The following CDH4 variants were observed in gnomAD, a reference collection of about 807,000 sequenced individuals.
CDH4 encodes the protein cadherin 4.
A neutral mutation model predicts 86.0 loss-of-function variants in CDH4; 33 were observed. The observed-to-expected ratio is 0.38, with a 90% CI of 0.29 to 0.51. The LOEUF is 0.51. Among genes scored for constraint, CDH4 ranks in the 20% least tolerant of loss-of-function variants. The pLI, the probability that CDH4 is intolerant of heterozygous loss-of-function variation, is 0.86. For synonymous variants in CDH4, 555 were observed against 549.4 expected (o/e 1.01, Z -0.14); for missense variants, 1,114 against 1,307.4 (o/e 0.85, Z 2.28).
chr20:61,496,054 T>TA (rs989195096), intron 2 of CDH4, among the ~76,000 whole-genome samples: 48 of 152,216 alleles, frequency 3.2e-4, no homozygotes, highest in African/African-American at 1.1e-3. Context: ...TTTTCATACT[T>TA]ACAGAAAATC....
Position 61,924,363 on chromosome 20 carries a change from G to C in CDH4, c.1658G>C (p.Trp553Ser), listed in dbSNP as rs924429775. Residue 553 changes from tryptophan (W) to serine (S), a missense_variant, in exon 11 of 16, where the codon TGG becomes TCG. This residue lies in a region of CDH4 where 705 missense variants were observed against 914.1 expected (regional missense o/e 0.77). Coordinates refer to ENST00000614565, the MANE Select transcript of CDH4 (RefSeq NM_001794.5). The stretch of plus-strand genomic sequence containing the variant: ...TCAAAGCTGTCAGACCCAGCGAGCT[G>C]GCTGCACATCAATGCCACCAACGGC... The part of the protein sequence containing the change: ...RYSKLSDPAS[W>S]LHINATNGQI... 6.2e-7 allele frequency: 1 copy of C among 1,613,616 alleles called. No individual in the cohort carries two copies. Among genetic ancestry groups the C allele is most frequent in the African/African-American group, 1.3e-5 (1 of 74,962 alleles).
intron 2 of CDH4, among the ~76,000 whole-genome samples, chr20:61,375,321 G>A (rs181123070): frequency 1.4e-4 from 21 of 152,334 alleles, no homozygotes; most frequent in Admixed American, 2.6e-4. Flanking sequence ...GGAGGTGATG[G>A]TGGTGACAGT....
At chr20:61,376,014 GAT>G (rs2084869725) in intron 2 of CDH4, among the ~76,000 whole-genome samples, 2 of 91,888 alleles carry the variant, frequency 2.2e-5, no homozygotes. Context: ...TGGTGGTGGT[GAT>G]ACTGTGGTTT....
At chr20:61,630,790 T>C (rs1253819814) in intron 2 of CDH4, among the ~76,000 whole-genome samples, 1 of 152,198 alleles carries the variant, frequency 6.6e-6, no homozygotes, top group Non-Finnish European at 1.5e-5. Flanking sequence ...TGGGTAGAAA[T>C]AGGTAGAAAA....
intron 4 of CDH4, among the ~76,000 whole-genome samples, chr20:61,842,162 C>T (rs908445909): frequency 2.0e-5 from 3 of 152,222 alleles, no homozygotes; most frequent in Admixed American, 2.0e-4. Flanking sequence ...TGATTGTCAT[C>T]GTGCTGCAGA....
chr20:61,779,560 G>A (rs528304083), intron 4 of CDH4, among the ~76,000 whole-genome samples: 3 of 152,358 alleles, frequency 2.0e-5, no homozygotes, highest in African/African-American at 7.2e-5. Flanking sequence ...GAGCTTAAGC[G>A]GATTGAAGTG....
intron 2 of CDH4, among the ~76,000 whole-genome samples, chr20:61,430,364 G>A (rs549754342): frequency 3.3e-5 from 5 of 152,256 alleles, no homozygotes; most frequent in South Asian, 2.1e-4. Context: ...TTTGACGCCC[G>A]GCTCATCAGT....
At chr20:61,920,315 CGTG>C (rs1465394656) in intron 9 of CDH4, among the ~76,000 whole-genome samples, 2 of 137,358 alleles carry the variant, frequency 1.5e-5, no homozygotes, top group East Asian at 2.3e-4. Context: ...TGTGTGGAAG[CGTG>C]GTGTGATTGT....
At chr20:61,420,751 C>T (rs2085173045) in intron 2 of CDH4, among the ~76,000 whole-genome samples, 1 of 152,248 alleles carries the variant, frequency 6.6e-6, no homozygotes, top group African/African-American at 2.4e-5. Flanking sequence ...GCATGTCCCA[C>T]AGGGGAATAA....
intron 9 of CDH4, among the ~76,000 whole-genome samples, chr20:61,920,490 G>A (rs936327782): frequency 6.6e-6 from 1 of 151,262 alleles, no homozygotes; most frequent in Non-Finnish European, 1.5e-5. Context: ...CGGTGATTGT[G>A]TGGAAGCGTG....
chr20:61,619,147 C>T (rs1005635632), intron 2 of CDH4, among the ~76,000 whole-genome samples: 4 of 152,230 alleles, frequency 2.6e-5, no homozygotes, highest in African/African-American at 9.6e-5. Context: ...CATTGCCACC[C>T]TGCAGATACA....
At chr20:61,720,853 A>G (rs2088032834) in intron 2 of CDH4, among the ~76,000 whole-genome samples, 1 of 152,244 alleles carries the variant, frequency 6.6e-6, no homozygotes, top group Middle Eastern at 3.4e-3. Context: ...AGAGGTGGTT[A>G]TTTCCCTTTG....
intron 8 of CDH4, 42 bp downstream of exon 8, chr20:61,895,089 G>A (rs557184484): frequency 2.5e-6 from 4 of 1,604,220 alleles, no homozygotes; most frequent in African/African-American, 2.7e-5. Context: ...GGCCCGTGCA[G>A]GGCAGGAATG....
intron 2 of CDH4, among the ~76,000 whole-genome samples, chr20:61,309,923 G>A (rs1453893069): frequency 8.5e-5 from 13 of 152,198 alleles, no homozygotes; most frequent in Non-Finnish European, 1.9e-4. Flanking sequence ...AGTGTGGCAG[G>A]GGCTGGCCAG....
intron 2 of CDH4, among the ~76,000 whole-genome samples, chr20:61,672,678 C>T (rs1281711717): frequency 1.3e-5 from 2 of 152,090 alleles, no homozygotes; most frequent in Non-Finnish European, 2.9e-5. Flanking sequence ...GAGGCATCTG[C>T]CAAGGGTGGG....
chr20:61,288,830 G>A (rs897293021), intron 2 of CDH4, among the ~76,000 whole-genome samples: 5 of 152,318 alleles, frequency 3.3e-5, no homozygotes, highest in Middle Eastern at 3.4e-3. Context: ...GCTTTTATCT[G>A]TGTTGGGAGG....
intron 2 of CDH4, among the ~76,000 whole-genome samples, chr20:61,679,831 C>A (rs545741184): frequency 1.2e-4 from 18 of 152,342 alleles, no homozygotes; most frequent in African/African-American, 3.6e-4. Flanking sequence ...CTGGAGCAGA[C>A]CCCGGAGCTT....
At chr20:61,316,001 C>A (rs78966563) in intron 2 of CDH4, among the ~76,000 whole-genome samples, 3,158 of 152,252 alleles carry the variant, frequency 0.021, 93 homozygotes, top group East Asian at 0.13. Context: ...TTCCACAGGG[C>A]CCTGGAAGCT....
chr20:61,424,253 CAT>C lies in CDH4; in HGVS notation c.169+169321_169+169322del, dbSNP rs1385742208. On this transcript the variant is annotated intron_variant, in intron 2 of 15. Transcript: ENST00000614565. Reference sequence around the variant, plus strand: ...ACACATATCCACATGTATCCACACACATATATCCACACACATCCACATACAAC... The same window carrying C: ...ACACATATCCACATGTATCCACACACATATCCACACACATCCACATACAAC... Among the ~76,000 whole-genome samples the C allele has an allele frequency of 4.2e-5, 6 of 142,954 alleles. No individual in the cohort carries two copies. The East Asian group carries it at 7.8e-4, about 19-fold the overall frequency. The allele number at this position is 142,954 out of a possible 152,430, so 93.8% of individuals were successfully genotyped here.
Sources: allele counts gnomAD v4.1 joint callset (sites outside exome capture counted in the v4.1 genomes callset), GRCh38; gene constraint gnomAD v4.1.1; regional missense constraint gnomAD v4.1.1; transcripts MANE v1.5; gene names NCBI Gene and HGNC (gene_info 2026-07-23, HGNC 2026-07-21).